SPACA7: variants seen among roughly 807,000 people sequenced by gnomAD.
The protein encoded by SPACA7 is sperm acrosome-associated protein 7.
Under a neutral mutation model 26.3 loss-of-function variants are expected in SPACA7, and 19 were observed. That is an observed-to-expected ratio of 0.72 (90% CI 0.50 to 1.06). The LOEUF (loss-of-function observed/expected upper bound fraction) is 1.06, where lower values mean the gene tolerates loss of function less well. Among genes scored for constraint, SPACA7 ranks in the 50% least tolerant of loss-of-function variants. The pLI is 0.00. For missense variants in SPACA7, 211 were observed against 229.9 expected, an observed-to-expected ratio of 0.92 and a Z score of 0.53; for synonymous variants, 84 against 84.5, an observed-to-expected ratio of 0.99 and a Z score of 0.04.
At chr13:112,385,184 C>A (rs1884445769) in intron 1 of SPACA7, among the ~76,000 whole-genome samples, 1 of 152,174 alleles carries the variant, frequency 6.6e-6, no homozygotes, top group African/African-American at 2.4e-5. Flanking sequence ...CCTTTACAAA[C>A]CCTTTTCACT....
intron 5 of SPACA7, among the ~76,000 whole-genome samples, chr13:112,408,267 G>A (rs982157548): frequency 8.5e-5 from 13 of 152,106 alleles, no homozygotes; most frequent in Non-Finnish European, 1.2e-4. Flanking sequence ...ATATCATACT[G>A]AATGGGCAAA....
chr13:112,377,237 T>G (rs934525196), intron 1 of SPACA7, among the ~76,000 whole-genome samples: 1 of 152,250 alleles, frequency 6.6e-6, no homozygotes, highest in African/African-American at 2.4e-5. Context: ...TCCCACCTGA[T>G]TACTCTAGAA....
Position 112,410,051 on chromosome 13 carries a change from T to C in SPACA7, c.445+8887T>C, listed in dbSNP as rs545764918. Among the ~76,000 whole-genome samples, 29 of 152,178 alleles carry C rather than the reference T, an allele frequency of 1.9e-4. No homozygotes were observed. In the East Asian group the frequency reaches 5.4e-3, roughly 28 times the overall value. On this transcript the variant is annotated intron_variant, in intron 5 of 6. Coordinates refer to ENST00000283550, the MANE Select transcript of SPACA7 (RefSeq NM_145248.5). The stretch of plus-strand genomic sequence containing the variant: ...CTATGCAGCCATAAAAAAGGATGAG[T>C]TCATGTCCTTTGTAGGGACATGGAT...
chr13:112,425,404 A>T (rs1376282596), intron 5 of SPACA7, among the ~76,000 whole-genome samples: 1 of 152,238 alleles, frequency 6.6e-6, no homozygotes, highest in African/African-American at 2.4e-5. Context: ...CCTGGTAGTT[A>T]GGAAATGGGA....
chr13:112,429,050 A>G (rs1876811595), intron 5 of SPACA7, among the ~76,000 whole-genome samples: 1 of 152,220 alleles, frequency 6.6e-6, no homozygotes, highest in South Asian at 2.1e-4. Context: ...ATAAACCTGT[A>G]GGATTGTTAT....
At position 112,401,175 on chromosome 13, in the gene SPACA7, C is replaced by T. The variant is rs1235145758; in HGVS notation, c.445+11C>T. On this transcript the variant is annotated intron_variant, in intron 5 of 6. Coordinates refer to ENST00000283550, the MANE Select transcript of SPACA7 (RefSeq NM_145248.5). The stretch of plus-strand genomic sequence containing the variant: ...GTGTTTCCAGTAAAGGTAAATGTGC[C>T]CTGCCCACACTGAGAGCTCTGTGGG... The T allele has an allele frequency of 3.1e-6, 5 of 1,602,022 alleles. No homozygotes were observed. Among genetic ancestry groups the T allele is most frequent in the Non-Finnish European group, 4.3e-6 (5 of 1,169,076 alleles).
chr13:112,376,436 C>G lies in SPACA7; in HGVS notation c.51C>G (p.Cys17Trp). The change falls in exon 1 of 7, where the codon TGC becomes TGG. Residue 17 changes from cysteine (C) to tryptophan (W), a missense_variant. Coordinates refer to ENST00000283550, the MANE Select transcript of SPACA7 (RefSeq NM_145248.5). ...CCCTCTGCTTTGTCCTCCTGCTGTG[C>G]TGTTGGCAAGAAACTGAGCTCCGGC... Reference protein sequence around the residue: ...DGTLCFVLLLCCWQETELRPR... With the variant: ...DGTLCFVLLLWCWQETELRPR... 1 of 1,613,830 alleles carries G rather than the reference C, an allele frequency of 6.2e-7. No homozygotes were observed. Among genetic ancestry groups the G allele is most frequent in the Non-Finnish European group, 8.5e-7 (1 of 1,179,910 alleles).
rs532133088 is a variant in SPACA7 at position 112,404,373 on chromosome 13, G to A, written c.445+3209G>A. Among the ~76,000 whole-genome samples the A allele has an allele frequency of 3.9e-5, 6 of 152,288 alleles. No individual in the cohort carries two copies. The East Asian group carries it at 1.2e-3, about 29-fold the overall frequency. ...TTTTCTCCCACTCTGTGGATTGTCT[G>A]TTCACTCTGCTGATTATTTCTCTTG... On this transcript the variant is annotated intron_variant, in intron 5 of 6. Transcript: ENST00000283550.
At chr13:112,388,578 T>C (rs1336465910) in intron 1 of SPACA7, among the ~76,000 whole-genome samples, 1 of 152,200 alleles carries the variant, frequency 6.6e-6, no homozygotes, top group Non-Finnish European at 1.5e-5. Context: ...GGGGGGCCAC[T>C]GAACCATGGG....
chr13:112,411,769 G>GT (rs1380906802), intron 5 of SPACA7, among the ~76,000 whole-genome samples: 1 of 151,984 alleles, frequency 6.6e-6, no homozygotes. Context: ...CAGGATTTTG[G>GT]TTTTTTATGA....
chr13:112,423,589 A>G (rs992533574), intron 5 of SPACA7, among the ~76,000 whole-genome samples: 3 of 152,230 alleles, frequency 2.0e-5, no homozygotes, highest in Non-Finnish European at 4.4e-5. Context: ...GAAACATAAA[A>G]GGTAAGAACC....
rs145157815 is a variant in SPACA7 at position 112,434,028 on chromosome 13, C to T, written c.524-457C>T. ...GCACTGATGAAGCTCCTGTACGTCA[C>T]CAGCACCTCTAGGTGTGGCCGTCGG... On this transcript the variant is annotated intron_variant, in intron 6 of 6. Coordinates refer to ENST00000283550, the MANE Select transcript of SPACA7 (RefSeq NM_145248.5). Among the ~76,000 whole-genome samples the T allele has an allele frequency of 2.3e-3, 351 of 152,270 alleles. 4 individuals carry two copies. The highest frequency in any genetic ancestry group is 7.9e-3 in the African/African-American group (329 of 41,548).
At chr13:112,392,340 CG>C (rs960067832) in intron 1 of SPACA7, among the ~76,000 whole-genome samples, 15 of 152,192 alleles carry the variant, frequency 9.9e-5, no homozygotes, top group Non-Finnish European at 2.2e-4. Context: ...CAGGAGGCCA[CG>C]GGGCCTGTGG....
chr13:112,420,021 T>C (rs1886919064), intron 5 of SPACA7, among the ~76,000 whole-genome samples: 1 of 152,186 alleles, frequency 6.6e-6, no homozygotes. Flanking sequence ...TTCGGTGCAT[T>C]GAAGATGTCA....
intron 5 of SPACA7, among the ~76,000 whole-genome samples, chr13:112,406,552 T>C (rs564344513): frequency 6.6e-6 from 1 of 152,282 alleles, no homozygotes; most frequent in Admixed American, 6.5e-5. Flanking sequence ...AGCAAGGGAC[T>C]TGAATAGAGA....
chr13:112,384,097 T>C (rs925803507), intron 1 of SPACA7, among the ~76,000 whole-genome samples: 2 of 152,182 alleles, frequency 1.3e-5, no homozygotes, highest in African/African-American at 4.8e-5. Flanking sequence ...TAGTTTTCCA[T>C]AAGAGTTCTA....
In SPACA7 at chr13:112,401,248, G is replaced by A. The variant is rs573519024; in HGVS notation, c.445+84G>A. ...GAGGTGACTGTCTCCCTCCAGCCTC[G>A]CCAGTATGCCTTGTTATGCCATTAG... is the stretch of plus-strand genomic sequence containing the variant. On this transcript the variant is annotated intron_variant, in intron 5 of 6. Coordinates refer to ENST00000283550, the MANE Select transcript of SPACA7 (RefSeq NM_145248.5). 250 of 1,013,032 alleles carry A rather than the reference G, an allele frequency of 2.5e-4. 4 individuals carry two copies. In the South Asian group the frequency reaches 3.1e-3, roughly 12 times the overall value. 62.8% of individuals were successfully genotyped at this position (1,013,032 alleles called of 1,614,324 possible).
At chr13:112,419,310 C>A (rs935746511) in intron 5 of SPACA7, among the ~76,000 whole-genome samples, 1 of 152,114 alleles carries the variant, frequency 6.6e-6, no homozygotes, top group East Asian at 1.9e-4. Context: ...TTTGAAAAAT[C>A]CAGAGGCCCC....
At chr13:112,405,820 AGTGTGATTCCT>A (rs1885953289) in intron 5 of SPACA7, among the ~76,000 whole-genome samples, 1 of 152,048 alleles carries the variant, frequency 6.6e-6, no homozygotes, top group Non-Finnish European at 1.5e-5. Context: ...TTGCTTTATG[AGTGTGATTCCT>A]GTGTTATTTG....
Sources: gnomAD v4.1 joint callset for allele counts (sites outside exome capture counted in the v4.1 genomes callset) on GRCh38, gnomAD v4.1.1 for gene constraint, MANE v1.5 for transcripts, NCBI Gene and HGNC (gene_info 2026-07-23, HGNC 2026-07-21) for gene names.